Variants in TAF4B observed in about 807,000 individuals in gnomAD.
The protein encoded by TAF4B is TATA-box binding protein associated factor 4b.
In TAF4B, 38 loss-of-function variants were observed where a neutral mutation model predicts 86.4. That is an observed-to-expected ratio of 0.44 (90% confidence interval 0.34 to 0.58). The LOEUF (loss-of-function observed/expected upper bound fraction) is 0.58. Among genes scored for constraint, TAF4B ranks in the 20% least tolerant of loss-of-function variants. TAF4B has a pLI of 0.02. For synonymous variants in TAF4B, 388 were observed against 391.2 expected (o/e 0.99, Z 0.10); for missense variants, 988 against 1,027.6 (o/e 0.96, Z 0.53).
chr18:26,332,398 G>A (rs564445721), intron 12 of TAF4B, among the ~76,000 whole-genome samples: 67 of 152,188 alleles, frequency 4.4e-4, no homozygotes, highest in African/African-American at 1.5e-3. Flanking sequence ...GTGCCTTTCC[G>A]TTCAATCTTG....
intron 14 of TAF4B, among the ~76,000 whole-genome samples, chr18:26,369,767 T>C (rs1339825942): frequency 6.6e-6 from 1 of 152,234 alleles, no homozygotes. Flanking sequence ...CAATTACACA[T>C]GGCCAAATCT....
At chr18:26,358,723 A>G (rs1018800449) in intron 14 of TAF4B, among the ~76,000 whole-genome samples, 1 of 152,218 alleles carries the variant, frequency 6.6e-6, no homozygotes, top group African/African-American at 2.4e-5. Context: ...AAAATAAAAT[A>G]AAAAAAAGAT....
chr18:26,285,930 A>G lies in TAF4B; in HGVS notation c.1021A>G (p.Ile341Val). 1 of 1,613,982 alleles carries G rather than the reference A, an allele frequency of 6.2e-7. No individual in the cohort carries two copies. The highest frequency in any genetic ancestry group is 8.5e-7 in the Non-Finnish European group (1 of 1,179,960). ...RQLLPNSQSF[I>V]QQCVQQTSSD... is the part of the protein sequence containing the mutation. ...ACTTCTGCCTAACTCCCAGAGCTTC[A>G]TCCAGCAATGTGTTCAGCAGACTTC... Residue 341 changes from isoleucine to valine, a missense_variant, in exon 7 of 15, where the codon ATC (isoleucine) becomes GTC (valine). Coordinates refer to ENST00000269142, the MANE Select transcript of TAF4B (RefSeq NM_005640.3).
chr18:26,267,527 A>C lies in TAF4B; in HGVS notation c.501A>C (p.Ser167=). 1 of 1,613,862 alleles carries C rather than the reference A, an allele frequency of 6.2e-7. No individual in the cohort carries two copies. The highest frequency in any genetic ancestry group is 1.1e-5 in the South Asian group (1 of 91,072). ...CCTCCACCGCCAAGAACTCTAGCTC[A>C]CAATTAATCAAGAAAGTGGCAGTGA... ...VKICTVPNSS[S]QLIKKVAVTP... Residue 167 remains serine, a synonymous_variant, in exon 3 of 15, where the codon TCA becomes TCC. Coordinates refer to ENST00000269142, the MANE Select transcript of TAF4B (RefSeq NM_005640.3).
In TAF4B at chr18:26,287,784, G is replaced by T. The variant is rs1163445567; in HGVS notation, c.1590+1285G>T. Reference sequence around the variant, plus strand: ...TTTTATCAGAATAAGAGGTATCTGAGTGATTGTCGTCTGAGGCAACAGGGC... The same window carrying T: ...TTTTATCAGAATAAGAGGTATCTGATTGATTGTCGTCTGAGGCAACAGGGC... On this transcript the variant is annotated intron_variant, in intron 7 of 14. Transcript: ENST00000269142. 2.0e-5 allele frequency among the ~76,000 whole-genome samples: 3 copies of T among 152,188 alleles called. No individual in the cohort carries two copies. In the South Asian group the frequency reaches 6.2e-4, roughly 32 times the overall value.
intron 10 of TAF4B, 22 bp downstream of exon 10, chr18:26,315,420 T>G: frequency 6.4e-7 from 1 of 1,570,464 alleles, no homozygotes; most frequent in South Asian, 1.2e-5. Flanking sequence ...GTTATGATTA[T>G]TGACCTGATA....
intron 12 of TAF4B, among the ~76,000 whole-genome samples, chr18:26,334,009 A>G (rs2057071608): frequency 6.6e-6 from 1 of 151,782 alleles, no homozygotes; most frequent in South Asian, 2.1e-4. Context: ...ACACCCACAT[A>G]TATATGTATA....
rs373131840 is a variant in TAF4B, at chr18:26,308,735, G to A, written c.1833-6494G>A. On this transcript the variant is annotated intron_variant, in intron 9 of 14. Transcript: ENST00000269142. ...TAAAAATACAAAATTAGCTGGGTGT[G>A]GTGGTGCATGCCTGTAGTCCCAGCT... Among the ~76,000 whole-genome samples, 6 of 152,038 alleles carry A rather than the reference G, an allele frequency of 3.9e-5. No homozygotes were observed. The East Asian group carries it at 1.2e-3, about 29-fold the overall frequency.
chr18:26,272,541 A>G (rs756966856), intron 3 of TAF4B, among the ~76,000 whole-genome samples: 2 of 152,020 alleles, frequency 1.3e-5, no homozygotes, highest in Non-Finnish European at 2.9e-5. Flanking sequence ...TGCCCCCTCT[A>G]CTTGTAAACG....
chr18:26,252,173 G>C (rs1223427381), intron 1 of TAF4B, among the ~76,000 whole-genome samples: 2 of 152,156 alleles, frequency 1.3e-5, no homozygotes, highest in African/African-American at 2.4e-5. Flanking sequence ...TTTACATGTT[G>C]AAAGTAATTA....
chr18:26,261,361 C>T (rs549759778), intron 1 of TAF4B, among the ~76,000 whole-genome samples: 40 of 151,448 alleles, frequency 2.6e-4, no homozygotes, highest in Admixed American at 8.6e-4. Flanking sequence ...CCACTACGCC[C>T]GGCTAATTTT....
intron 7 of TAF4B, among the ~76,000 whole-genome samples, chr18:26,289,470 T>C (rs2056566099): frequency 6.6e-6 from 1 of 152,080 alleles, no homozygotes; most frequent in South Asian, 2.1e-4. Flanking sequence ...GTTTGTTTTG[T>C]TTGTTTTGTT....
At chr18:26,337,621 C>G (rs1975928) in intron 13 of TAF4B, among the ~76,000 whole-genome samples, 12,187 of 151,962 alleles carry the variant, frequency 0.08, 1,522 homozygotes, top group African/African-American at 0.27. Flanking sequence ...TGGGGTTTCA[C>G]TATGTTGGCC....
intron 9 of TAF4B, among the ~76,000 whole-genome samples, chr18:26,303,676 TCCACTTTCATAC>T (rs2056765905): frequency 1.5e-5 from 2 of 136,654 alleles, no homozygotes; most frequent in Non-Finnish European, 3.1e-5. Context: ...TCATACCCCC[TCCACTTTCATAC>T]TCCCTCCACT....
chr18:26,300,995 C>A (rs1449718220), intron 9 of TAF4B, among the ~76,000 whole-genome samples: 1 of 151,970 alleles, frequency 6.6e-6, no homozygotes, highest in Non-Finnish European at 1.5e-5. Context: ...GCTTTCAGAC[C>A]AAAAGACATA....
intron 13 of TAF4B, among the ~76,000 whole-genome samples, chr18:26,356,735 C>T (rs2057291118): frequency 6.7e-6 from 1 of 149,802 alleles, no homozygotes; most frequent in East Asian, 1.9e-4. Flanking sequence ...TTCTTCTCTT[C>T]TGAAAAAGCT....
chr18:26,236,076 C>T (rs903235231), intron 1 of TAF4B, among the ~76,000 whole-genome samples: 2 of 152,136 alleles, frequency 1.3e-5, no homozygotes, highest in African/African-American at 2.4e-5. Context: ...TTAGTCCTTC[C>T]AATGCCCAGA....
intron 14 of TAF4B, among the ~76,000 whole-genome samples, chr18:26,373,753 G>A (rs1359979471): frequency 1.3e-5 from 2 of 151,974 alleles, no homozygotes; most frequent in African/African-American, 4.8e-5. Flanking sequence ...TGTTGAGATG[G>A]CATTTGTATT....
intron 1 of TAF4B, among the ~76,000 whole-genome samples, chr18:26,262,477 CTTTTT>C (rs11291283): frequency 7.0e-6 from 1 of 143,436 alleles, no homozygotes; most frequent in Non-Finnish European, 1.5e-5. Flanking sequence ...TTTCCAAACA[CTTTTT>C]TTTTTTTTTT....
Sources: allele counts gnomAD v4.1 joint callset (sites outside exome capture counted in the v4.1 genomes callset), GRCh38; gene constraint gnomAD v4.1.1; transcripts MANE v1.5; gene names NCBI Gene and HGNC (gene_info 2026-07-23, HGNC 2026-07-21).